ARHGEF10L: variants seen among roughly 807,000 people sequenced by gnomAD.
ARHGEF10L encodes the protein rho guanine nucleotide exchange factor 10-like protein.
ARHGEF10L carries 69 observed loss-of-function variants against 141.2 expected under a neutral mutation model. The observed-to-expected ratio is 0.49, with a 90% CI of 0.40 to 0.60. ARHGEF10L has a LOEUF of 0.60. ARHGEF10L is among the 20% of genes least tolerant of loss of function. The pLI is 0.00. For missense variants in ARHGEF10L, 1,482 were observed against 1,734.3 expected (o/e 0.85, Z 2.58); for synonymous variants, 711 against 718.5 (o/e 0.99, Z 0.17).
chr1:17,582,490 G>A (rs1326004250), intron 2 of ARHGEF10L, among the ~76,000 whole-genome samples: 1 of 152,146 alleles, frequency 6.6e-6, no homozygotes, highest in Non-Finnish European at 1.5e-5. Flanking sequence ...AAATTCCTGA[G>A]TAGGGGATTC....
At position 17,613,025 on chromosome 1, in the gene ARHGEF10L, G is replaced by A. The variant is rs201530071; in HGVS notation, c.610-33G>A. 3.4e-6 allele frequency: 5 copies of A among 1,491,664 alleles called. No homozygotes were observed. The East Asian group carries it at 9.1e-5, about 27-fold the overall frequency. The allele number at this position is 1,491,664 out of a possible 1,614,324, so 92.4% of individuals were successfully genotyped here. On this transcript the variant is annotated intron_variant, in intron 7 of 28. Coordinates refer to ENST00000361221, the MANE Select transcript of ARHGEF10L (RefSeq NM_018125.4). ...CCTGTCCCGCCTGCTCCTCTCACCT[G>A]CTTTCCTTCTGCCTGGCCGCTTGGG...
intron 1 of ARHGEF10L, among the ~76,000 whole-genome samples, chr1:17,575,488 G>T (rs1414610538): frequency 1.4e-4 from 21 of 152,250 alleles, no homozygotes; most frequent in Admixed American, 1.4e-3. Flanking sequence ...TTAAGCAAAG[G>T]CCTGGAGATG....
At chr1:17,636,549 G>A (rs900063319) in intron 18 of ARHGEF10L, among the ~76,000 whole-genome samples, 2 of 152,146 alleles carry the variant, frequency 1.3e-5, no homozygotes, top group African/African-American at 2.4e-5. Flanking sequence ...GTTCCTCTGC[G>A]CTTTCGTGCC....
the ARHGEF10L span, among the ~76,000 whole-genome samples, chr1:17,517,774 C>T: frequency 6.6e-6 from 1 of 152,176 alleles, no homozygotes; most frequent in Non-Finnish European, 1.5e-5. Flanking sequence ...AATTCTCCTG[C>T]CTCAGCCTCC....
chr1:17,564,514 G>A (rs2077671544), intron 1 of ARHGEF10L, among the ~76,000 whole-genome samples: 1 of 152,190 alleles, frequency 6.6e-6, no homozygotes, highest in Non-Finnish European at 1.5e-5. Context: ...CAGCAGCACA[G>A]GAGCCCAGCT....
chr1:17,565,322 C>G (rs767465030), intron 1 of ARHGEF10L, among the ~76,000 whole-genome samples: 1 of 152,214 alleles, frequency 6.6e-6, no homozygotes, highest in Non-Finnish European at 1.5e-5. Context: ...CATGCAAATA[C>G]TGTGGGGCTC....
intron 4 of ARHGEF10L, among the ~76,000 whole-genome samples, chr1:17,593,218 C>T (rs923142435): frequency 6.6e-6 from 1 of 152,216 alleles, no homozygotes; most frequent in Non-Finnish European, 1.5e-5. Context: ...TTTTTTATCC[C>T]AGTGCCTGGC....
chr1:17,655,018 G>C (rs531409060), intron 23 of ARHGEF10L, among the ~76,000 whole-genome samples: 1 of 152,316 alleles, frequency 6.6e-6, no homozygotes, highest in East Asian at 1.9e-4. Flanking sequence ...TGGGTCTCAG[G>C]ATCTTCACCC....
At chr1:17,674,004 C>T (rs2063487397) in intron 26 of ARHGEF10L, among the ~76,000 whole-genome samples, 1 of 152,166 alleles carries the variant, frequency 6.6e-6, no homozygotes, top group African/African-American at 2.4e-5. Flanking sequence ...TCTGCCCCAT[C>T]AGCCCCGTGT....
intron 9 of ARHGEF10L, among the ~76,000 whole-genome samples, chr1:17,618,695 T>C (rs1266229391): frequency 6.6e-6 from 1 of 152,202 alleles, no homozygotes; most frequent in Non-Finnish European, 1.5e-5. Flanking sequence ...CCTTGCTCTG[T>C]TGGGGGCTGG....
At chr1:17,638,030 G>C (rs1396333884) in intron 19 of ARHGEF10L, 27 bp downstream of exon 19, 1 of 1,552,926 alleles carries the variant, frequency 6.4e-7, no homozygotes, top group Admixed American at 1.9e-5. Flanking sequence ...GACCTTTTTG[G>C]CCTGAGCTCC....
rs1369904346 is a variant in ARHGEF10L, at chr1:17,639,836, A to T, written c.2172-366A>T. 3.1e-5 allele frequency: 42 copies of T among 1,342,200 alleles called. No homozygotes were observed. The highest frequency in any genetic ancestry group is 4.0e-5 in the Non-Finnish European group (41 of 1,023,458). The allele number at this position is 1,342,200 out of a possible 1,614,324, so 83.1% of individuals were successfully genotyped here. On this transcript the variant is annotated intron_variant, in intron 20 of 28. Transcript: ENST00000361221. The surrounding 1 kb of genome is among the most constrained non-coding windows in gnomAD (Gnocchi z 4.3). ...GAGACCCATTCCTCCCTCTAGAGGC[A>T]CGTGGTCAGACATGTAAGGTGTCTA...
chr1:17,654,584 C>A lies in ARHGEF10L; in HGVS notation c.2395-52C>A. The A allele has an allele frequency of 6.6e-7, 1 of 1,508,958 alleles. No individual in the cohort carries two copies. The highest frequency in any genetic ancestry group is 9.2e-7 in the Non-Finnish European group (1 of 1,084,168). 93.5% of individuals were successfully genotyped at this position (1,508,958 alleles called of 1,614,324 possible). A position where few individuals can be genotyped will look rare whatever the true frequency, so the allele number is the denominator to read the frequency against. ...GGCCCAGGAATCTGCCAAATATTGG[C>A]ATCTGGGCACCTTGATGATTAACCT... On this transcript the variant is annotated intron_variant, in intron 22 of 28. Transcript: ENST00000361221. This position sits in a 1 kb window ranked among gnomAD's most constrained non-coding sequence, Gnocchi z 4.3.
At chr1:17,588,208 C>T (rs897363996) in intron 3 of ARHGEF10L, among the ~76,000 whole-genome samples, 3 of 115,000 alleles carry the variant, frequency 2.6e-5, no homozygotes, top group Admixed American at 1.1e-4. Flanking sequence ...GTGGCTGCCA[C>T]GGGTTCTGGC....
intron 27 of ARHGEF10L, among the ~76,000 whole-genome samples, chr1:17,693,050 G>C (rs2065223675): frequency 6.6e-6 from 1 of 152,144 alleles, no homozygotes; most frequent in Admixed American, 6.5e-5. Context: ...CTGTCGCCCT[G>C]TTTCAATCCT....
Position 17,619,263 on chromosome 1 carries a change from G to C in ARHGEF10L, c.836-76G>C. 11 of 1,422,990 alleles carry C rather than the reference G, an allele frequency of 7.7e-6. No homozygotes were observed. Among genetic ancestry groups the C allele is most frequent in the Admixed American group, 1.9e-5 (1 of 52,274 alleles). 88.1% of individuals were successfully genotyped at this position (1,422,990 alleles called of 1,614,324 possible). The stretch of plus-strand genomic sequence containing the variant: ...CTGGGTCCAAGGCTGGTCTAGGGGG[G>C]CTCTCAGCTCCTGAGGCCTGAGCAG... On this transcript the variant is annotated intron_variant, in intron 9 of 28. Transcript: ENST00000361221. This position sits in a 1 kb window ranked among gnomAD's most constrained non-coding sequence, Gnocchi z 5.0.
At chr1:17,587,359 G>A (rs2079109109) in intron 2 of ARHGEF10L, 101 bp from the exon 3 acceptor site, 2 of 1,208,952 alleles carry the variant, frequency 1.7e-6, no homozygotes, top group Non-Finnish European at 2.3e-6. Flanking sequence ...TCAGACCTGA[G>A]GTGCTCACCC....
At chr1:17,642,736 C>G (rs989917119) in intron 21 of ARHGEF10L, among the ~76,000 whole-genome samples, 10 of 152,208 alleles carry the variant, frequency 6.6e-5, no homozygotes, top group African/African-American at 2.4e-4. Context: ...CAGAAGCTGT[C>G]CTGTCCCTGG....
Position 17,623,194 on chromosome 1 carries a change from T to C in ARHGEF10L, c.1200+19T>C. ...GGCCTCGGTAAGTGTCCCCAAACTT[T>C]TTCCCCAGCCCACCAAGGTAAAACC... On this transcript the variant is annotated intron_variant, in intron 12 of 28. Transcript: ENST00000361221. This position sits in a 1 kb window ranked among gnomAD's most constrained non-coding sequence, Gnocchi z 4.7. 6.2e-7 allele frequency: 1 copy of C among 1,608,126 alleles called. No homozygotes were observed. The highest frequency in any genetic ancestry group is 8.5e-7 in the Non-Finnish European group (1 of 1,177,138).
Sources: gnomAD v4.1 joint callset for allele counts (sites outside exome capture counted in the v4.1 genomes callset) on GRCh38, gnomAD v4.1.1 for gene constraint, Gnocchi (gnomAD v3.1) non-coding constraint, MANE v1.5 for transcripts, NCBI Gene and HGNC (gene_info 2026-07-23, HGNC 2026-07-21) for gene names.